The following EHBP1 variants were observed in gnomAD, a reference collection of about 807,000 sequenced individuals.
The protein encoded by EHBP1 is EH domain binding protein 1.
A neutral mutation model predicts 144.0 loss-of-function variants in EHBP1; 55 were observed. That is an observed-to-expected ratio of 0.38 (90% CI 0.31 to 0.48). The LOEUF (loss-of-function observed/expected upper bound fraction) is 0.48, where lower values mean the gene tolerates loss of function less well. Ranked by LOEUF, EHBP1 falls within the 20% of genes least tolerant of loss-of-function variation. The probability of loss-of-function intolerance (pLI) is 0.98; values close to 1 mark genes in which losing one functional copy is unlikely to be tolerated. For synonymous variants in EHBP1, 469 were observed against 472.7 expected (o/e 0.99, Z 0.10); for missense variants, 1,200 against 1,364.2 (o/e 0.88, Z 1.90).
chr2:62,753,707 T>A (rs2039982508), intron 3 of EHBP1, among the ~76,000 whole-genome samples: 1 of 152,170 alleles, frequency 6.6e-6, no homozygotes, highest in African/African-American at 2.4e-5. Context: ...CTTTTTGTTC[T>A]TTTTTCTCTA....
chr2:62,945,226 T>C (rs984790536), intron 12 of EHBP1, among the ~76,000 whole-genome samples: 1 of 152,206 alleles, frequency 6.6e-6, no homozygotes, highest in Non-Finnish European at 1.5e-5. Context: ...TATTACTACT[T>C]CCCAAATTCA....
At chr2:63,013,279 A>T (rs1400482991) in intron 19 of EHBP1, among the ~76,000 whole-genome samples, 1 of 152,212 alleles carries the variant, frequency 6.6e-6, no homozygotes, top group Non-Finnish European at 1.5e-5. Context: ...AATTGAAAAT[A>T]ATCTACTTTA....
At chr2:62,795,248 T>G (rs1446687296) in intron 5 of EHBP1, among the ~76,000 whole-genome samples, 1 of 152,022 alleles carries the variant, frequency 6.6e-6, no homozygotes, top group Non-Finnish European at 1.5e-5. Context: ...TGCCTCTTCC[T>G]TCCTCCCTCC....
intron 5 of EHBP1, among the ~76,000 whole-genome samples, chr2:62,787,789 A>G (rs1033913607): frequency 6.6e-6 from 1 of 152,228 alleles, no homozygotes; most frequent in Non-Finnish European, 1.5e-5. Flanking sequence ...TGAAATGTTA[A>G]TCCCTGGGTA....
At chr2:62,952,071 G>C (rs775304043) in intron 13 of EHBP1, among the ~76,000 whole-genome samples, 1 of 152,118 alleles carries the variant, frequency 6.6e-6, no homozygotes, top group Non-Finnish European at 1.5e-5. Context: ...CTATCATTCT[G>C]TGATTCTATT....
intron 10 of EHBP1, among the ~76,000 whole-genome samples, chr2:62,905,120 A>C (rs1226063333): frequency 6.6e-6 from 1 of 152,190 alleles, no homozygotes; most frequent in Admixed American, 6.5e-5. Flanking sequence ...CTGGATAAAG[A>C]TATGGGGAAA....
chr2:62,781,951 C>CATTTCTT (rs2042450712), intron 5 of EHBP1, among the ~76,000 whole-genome samples: 1 of 152,164 alleles, frequency 6.6e-6, no homozygotes, highest in African/African-American at 2.4e-5. Flanking sequence ...TGGGATATTT[C>CATTTCTT]ATCTTTATGA....
intron 8 of EHBP1, among the ~76,000 whole-genome samples, chr2:62,863,435 G>A (rs779987107): frequency 3.3e-5 from 5 of 152,082 alleles, no homozygotes; most frequent in Admixed American, 1.3e-4. Context: ...GAGTGAAACT[G>A]TGTCTCAAAA....
At chr2:62,709,771 C>T (rs956146581) in intron 2 of EHBP1, among the ~76,000 whole-genome samples, 6 of 151,978 alleles carry the variant, frequency 3.9e-5, no homozygotes, top group African/African-American at 1.4e-4. Context: ...ACCCCCAATA[C>T]TTCTTGTATT....
chr2:62,695,382 A>T (rs544375162), intron 1 of EHBP1, among the ~76,000 whole-genome samples: 8 of 152,284 alleles, frequency 5.3e-5, no homozygotes, highest in Admixed American at 4.6e-4. Context: ...AAAAAAGTCA[A>T]TGAAAGGTCA....
chr2:62,706,713 C>T (rs2034621680), intron 1 of EHBP1, 184 bp from the exon 2 acceptor site: 1 of 155,812 alleles, frequency 6.4e-6, no homozygotes, highest in African/African-American at 2.4e-5. Context: ...ATTGTAATTT[C>T]TTCCTTGGTG....
intron 9 of EHBP1, among the ~76,000 whole-genome samples, chr2:62,865,655 A>C (rs1380891930): frequency 7.9e-5 from 12 of 152,220 alleles, no homozygotes; most frequent in Non-Finnish European, 1.5e-5. Flanking sequence ...AACAACTAAA[A>C]AATGGAATAA....
chr2:63,008,913 A>G (rs1451703816), intron 19 of EHBP1, among the ~76,000 whole-genome samples: 1 of 151,678 alleles, frequency 6.6e-6, no homozygotes, highest in African/African-American at 2.4e-5. Flanking sequence ...TTTTGTATAA[A>G]TATGTTGTAA....
At chr2:62,961,510 T>C (rs1385822895) in intron 14 of EHBP1, among the ~76,000 whole-genome samples, 1 of 152,114 alleles carries the variant, frequency 6.6e-6, no homozygotes, top group African/African-American at 2.4e-5. Context: ...AAGTTTTAGG[T>C]GTGATATTTG....
intron 5 of EHBP1, among the ~76,000 whole-genome samples, chr2:62,797,451 A>G (rs1379651722): frequency 6.6e-6 from 1 of 152,248 alleles, no homozygotes; most frequent in Non-Finnish European, 1.5e-5. Flanking sequence ...ATGTTCTCCA[A>G]GTAAAAGTCT....
intron 2 of EHBP1, among the ~76,000 whole-genome samples, chr2:62,713,837 A>AT (rs556937247): frequency 2.8e-4 from 42 of 152,218 alleles, no homozygotes; most frequent in African/African-American, 8.9e-4. Context: ...TTATAAACTG[A>AT]TTTTTTTTAA....
At chr2:62,966,900 T>G (rs932157221) in intron 14 of EHBP1, among the ~76,000 whole-genome samples, 1 of 152,178 alleles carries the variant, frequency 6.6e-6, no homozygotes, top group Admixed American at 6.6e-5. Context: ...ATAACAGTTT[T>G]TAAAAGCTTT....
chr2:62,860,481 A>G (rs767834148), intron 8 of EHBP1, among the ~76,000 whole-genome samples: 1 of 135,412 alleles, frequency 7.4e-6, no homozygotes, highest in African/African-American at 2.8e-5. Flanking sequence ...CAAGAGCGAA[A>G]CTCCATCTCA....
rs191957378 is a variant in EHBP1, at chr2:62,727,320, G to T, written c.104+20025G>T. Among the ~76,000 whole-genome samples, 318 of 150,372 alleles carry T rather than the reference G, an allele frequency of 2.1e-3. 12 individuals carry two copies. Among genetic ancestry groups the T allele is most frequent in the Admixed American group, 0.021 (311 of 15,110 alleles). On this transcript the variant is annotated intron_variant, in intron 2 of 22. Transcript: ENST00000431489. Reference sequence around the variant, plus strand: ...TTTTTTTTTAAACAGATTTATTGAGGTATAACTCATGTACTAAACAGTTTG... The same window carrying T: ...TTTTTTTTTAAACAGATTTATTGAGTTATAACTCATGTACTAAACAGTTTG...
Sources: allele counts gnomAD v4.1 joint callset (sites outside exome capture counted in the v4.1 genomes callset), GRCh38; gene constraint gnomAD v4.1.1; transcripts MANE v1.5; gene names NCBI Gene and HGNC (gene_info 2026-07-23, HGNC 2026-07-21).